The following DCLK1 variants were observed in gnomAD, a reference collection of about 807,000 sequenced individuals.
The protein encoded by DCLK1 is doublecortin like kinase 1.
Under a neutral mutation model 86.2 loss-of-function variants are expected in DCLK1, and 16 were observed. The observed-to-expected ratio is 0.19, with a 90% CI of 0.13 to 0.28. DCLK1 has a LOEUF of 0.28. DCLK1 is among the 10% of genes least tolerant of loss of function. The probability of loss-of-function intolerance (pLI) is 1.00; values close to 1 mark genes in which losing one functional copy is unlikely to be tolerated. For missense variants in DCLK1, 590 were observed against 940.2 expected, an observed-to-expected ratio of 0.63 and a Z score of 4.87; for synonymous variants, 369 against 370.5, an observed-to-expected ratio of 1.00 and a Z score of 0.05.
chr13:36,086,452 CTTTT>C (rs66864823), intron 3 of DCLK1, among the ~76,000 whole-genome samples: 9 of 141,116 alleles, frequency 6.4e-5, no homozygotes, highest in African/African-American at 2.4e-4. Flanking sequence ...TCCTCAACAG[CTTTT>C]TTTTTTTTTT....
intron 4 of DCLK1, among the ~76,000 whole-genome samples, chr13:35,880,860 G>C (rs1872850268): frequency 6.6e-6 from 1 of 152,128 alleles, no homozygotes; most frequent in African/African-American, 2.4e-5. Context: ...CACTTTGGCT[G>C]GCTCTGAGCT....
intron 2 of DCLK1, among the ~76,000 whole-genome samples, chr13:36,121,356 A>G (rs1885984374): frequency 6.6e-6 from 1 of 152,168 alleles, no homozygotes; most frequent in African/African-American, 2.4e-5. Flanking sequence ...GAGGTCCAAA[A>G]ATATTACATG....
intron 3 of DCLK1, among the ~76,000 whole-genome samples, chr13:36,005,959 G>A (rs965542574): frequency 2.6e-5 from 4 of 152,108 alleles, no homozygotes; most frequent in Non-Finnish European, 5.9e-5. Context: ...AGTGAGAGTT[G>A]AACAATGAGA....
intron 3 of DCLK1, among the ~76,000 whole-genome samples, chr13:36,009,705 C>A (rs1175802010): frequency 1.9e-5 from 2 of 103,448 alleles, no homozygotes; most frequent in Non-Finnish European, 3.9e-5. Flanking sequence ...CTTGGCGATG[C>A]GGGCTCTTTT....
intron 3 of DCLK1, among the ~76,000 whole-genome samples, chr13:36,057,158 T>C (rs990726077): frequency 1.3e-5 from 2 of 152,158 alleles, no homozygotes; most frequent in Middle Eastern, 6.8e-3. Flanking sequence ...ATGATGATGA[T>C]GACGATGAGG....
At position 36,120,264 on chromosome 13, in the gene DCLK1, C is replaced by T. The variant is rs77918623; in HGVS notation, c.376+5498G>A. Among the ~76,000 whole-genome samples, 10 of 152,006 alleles carry T rather than the reference C, an allele frequency of 6.6e-5. 1 individual carries two copies. The highest frequency in any genetic ancestry group is 2.4e-4 in the African/African-American group (10 of 41,398). Reference sequence around the variant, plus strand: ...TTTTGTACATCTACACGGCAAAAAACACAATAAATGAAGTCACTAAAGAGA... The same window carrying T: ...TTTTGTACATCTACACGGCAAAAAATACAATAAATGAAGTCACTAAAGAGA... On this transcript the variant is annotated intron_variant, in intron 2 of 16. Coordinates refer to ENST00000360631, the MANE Select transcript of DCLK1 (RefSeq NM_001330071.2).
chr13:35,819,825 G>A (rs975202700), intron 11 of DCLK1, among the ~76,000 whole-genome samples: 6 of 151,692 alleles, frequency 4.0e-5, no homozygotes, highest in African/African-American at 1.2e-4. Flanking sequence ...ATATATTATC[G>A]TTAGGCAGTT....
At position 35,789,632 on chromosome 13, in the gene DCLK1, A is replaced by T. The variant is rs1212069388; in HGVS notation, c.2058+3734T>A. Among the ~76,000 whole-genome samples the T allele has an allele frequency of 2.0e-5, 3 of 152,244 alleles. No homozygotes were observed. The East Asian group carries it at 5.8e-4, about 29-fold the overall frequency. On this transcript the variant is annotated intron_variant, in intron 16 of 16. Transcript: ENST00000360631. ...AATTAGACTGAAACGCTCTATTTGCATGAGCAAAATGCAAAAGAAGAACTT... is the reference window on the plus strand; with the variant it reads ...AATTAGACTGAAACGCTCTATTTGCTTGAGCAAAATGCAAAAGAAGAACTT...
chr13:35,909,169 G>A (rs935331697), intron 4 of DCLK1, among the ~76,000 whole-genome samples: 1 of 152,182 alleles, frequency 6.6e-6, no homozygotes, highest in African/African-American at 2.4e-5. Context: ...TTATGTTGCA[G>A]AAAAAGAAAT....
intron 3 of DCLK1, among the ~76,000 whole-genome samples, chr13:36,046,064 A>C (rs2153156299): frequency 6.6e-6 from 1 of 152,252 alleles, no homozygotes; most frequent in Middle Eastern, 3.4e-3. Flanking sequence ...AGATTCAGGA[A>C]GAATATCTAA....
intron 16 of DCLK1, among the ~76,000 whole-genome samples, chr13:35,777,832 G>A (rs1035107665): frequency 1.3e-5 from 2 of 152,082 alleles, no homozygotes; most frequent in African/African-American, 2.4e-5. Context: ...CTGGGCCCCC[G>A]CCCACTCTGC....
At chr13:35,844,515 T>C (rs1315839207) in intron 6 of DCLK1, among the ~76,000 whole-genome samples, 1 of 152,174 alleles carries the variant, frequency 6.6e-6, no homozygotes, top group African/African-American at 2.4e-5. Flanking sequence ...ACTTGTGTCA[T>C]TGGGTAGTCA....
intron 3 of DCLK1, among the ~76,000 whole-genome samples, chr13:36,068,679 T>C (rs771429274): frequency 6.6e-5 from 10 of 151,950 alleles, no homozygotes; most frequent in Admixed American, 2.0e-4. Context: ...TAAGAAACAA[T>C]AGGGCCTAAG....
chr13:35,783,968 C>A (rs928216811), intron 16 of DCLK1, among the ~76,000 whole-genome samples: 2 of 152,180 alleles, frequency 1.3e-5, no homozygotes, highest in Non-Finnish European at 2.9e-5. Flanking sequence ...AATACTTACA[C>A]CCTTTCTTAG....
At chr13:36,023,607 G>A (rs551398661) in intron 3 of DCLK1, among the ~76,000 whole-genome samples, 26 of 152,182 alleles carry the variant, frequency 1.7e-4, no homozygotes, top group African/African-American at 5.8e-4. Context: ...TGGAAAGTTG[G>A]CCATCACAAT....
chr13:35,923,780 C>T (rs1875943766), intron 4 of DCLK1, among the ~76,000 whole-genome samples: 1 of 152,044 alleles, frequency 6.6e-6, no homozygotes, highest in Non-Finnish European at 1.5e-5. Flanking sequence ...AGAAGGGTGA[C>T]AATTTTGTGA....
chr13:35,810,591 T>C (rs187475811), intron 12 of DCLK1, among the ~76,000 whole-genome samples: 1 of 152,348 alleles, frequency 6.6e-6, no homozygotes, highest in Admixed American at 6.5e-5. Context: ...ATAACTTCTG[T>C]TCTACCTTTA....
At chr13:35,969,480 G>C (rs1307585348) in intron 3 of DCLK1, among the ~76,000 whole-genome samples, 1 of 152,212 alleles carries the variant, frequency 6.6e-6, no homozygotes, top group Non-Finnish European at 1.5e-5. Flanking sequence ...TTCTCCTCTA[G>C]GGCCTTGGGA....
chr13:35,926,317 C>G (rs542841509), intron 4 of DCLK1, among the ~76,000 whole-genome samples: 1 of 152,298 alleles, frequency 6.6e-6, no homozygotes, highest in Non-Finnish European at 1.5e-5. Flanking sequence ...TTAGGCCTCC[C>G]AAAGTGCTGG....
Sources: gnomAD v4.1 joint callset for allele counts (sites outside exome capture counted in the v4.1 genomes callset) on GRCh38, gnomAD v4.1.1 for gene constraint, MANE v1.5 for transcripts, NCBI Gene and HGNC (gene_info 2026-07-23, HGNC 2026-07-21) for gene names.